ADAMTSL1: variants seen among roughly 807,000 people sequenced by gnomAD.
ADAMTSL1 encodes ADAMTS-like protein 1.
ADAMTSL1 carries 126 observed loss-of-function variants against 201.8 expected under a neutral mutation model. The observed-to-expected ratio is 0.62, with a 90% CI of 0.54 to 0.72. ADAMTSL1 has a LOEUF of 0.72. Ranked by LOEUF, ADAMTSL1 falls within the 30% of genes least tolerant of loss-of-function variation. ADAMTSL1 has a pLI of 0.00. For missense variants in ADAMTSL1, 2,679 were observed against 2,277.8 expected, an observed-to-expected ratio of 1.18 and a Z score of -3.59; for synonymous variants, 1,121 against 903.4, an observed-to-expected ratio of 1.24 and a Z score of -4.32.
intron 2 of ADAMTSL1, among the ~76,000 whole-genome samples, chr9:18,317,504 A>C (rs978662448): frequency 6.6e-6 from 1 of 152,192 alleles, no homozygotes; most frequent in Non-Finnish European, 1.5e-5. Context: ...CAATGTATAC[A>C]TTTATGAAAT....
chr9:18,780,729 G>GAT (rs1432852788), intron 19 of ADAMTSL1, among the ~76,000 whole-genome samples: 3 of 152,002 alleles, frequency 2.0e-5, no homozygotes, highest in African/African-American at 7.3e-5. Flanking sequence ...TTTTTAATAG[G>GAT]ATATTAGTCA....
chr9:18,585,369 C>T (rs1242593907), intron 4 of ADAMTSL1, among the ~76,000 whole-genome samples: 1 of 152,070 alleles, frequency 6.6e-6, no homozygotes, highest in East Asian at 1.9e-4. Flanking sequence ...GTAAACAAGG[C>T]AGAGCAAATC....
intron 23 of ADAMTSL1, among the ~76,000 whole-genome samples, chr9:18,848,848 A>C (rs1263635615): frequency 1.3e-5 from 2 of 152,192 alleles, no homozygotes; most frequent in African/African-American, 4.8e-5. Context: ...GTTCCAGAAA[A>C]CTTTATTTAC....
chr9:18,730,709 C>G (rs1007304624), intron 15 of ADAMTSL1, among the ~76,000 whole-genome samples: 1 of 152,236 alleles, frequency 6.6e-6, no homozygotes, highest in Non-Finnish European at 1.5e-5. Context: ...TGTAGATGCT[C>G]ATTACCTTCT....
Position 18,573,952 on chromosome 9 carries a change from G to C in ADAMTSL1, c.238-78G>C, listed in dbSNP as rs1033400701. On this transcript the variant is annotated intron_variant, in intron 3 of 28. Coordinates refer to ENST00000380548, the MANE Select transcript of ADAMTSL1 (RefSeq NM_001040272.6). Reference sequence around the variant, plus strand: ...TGTTTTGCTTTCTAAGACCTAAGCAGACCATATAGCTGCTCTGGTTTCATG... The same window carrying C: ...TGTTTTGCTTTCTAAGACCTAAGCACACCATATAGCTGCTCTGGTTTCATG... The C allele has an allele frequency of 2.6e-6, 3 of 1,158,738 alleles. No homozygotes were observed. In the African/African-American group the frequency reaches 4.6e-5, roughly 18 times the overall value. 71.8% of individuals were successfully genotyped at this position (1,158,738 alleles called of 1,614,324 possible). A position where few individuals can be genotyped will look rare whatever the true frequency, so the allele number is the denominator to read the frequency against.
chr9:17,976,749 A>G (rs928081241), intron 1 of ADAMTSL1, among the ~76,000 whole-genome samples: 1 of 98,266 alleles, frequency 1.0e-5, no homozygotes, highest in Non-Finnish European at 2.0e-5. Flanking sequence ...TGCCTCCCCG[A>G]TCCATCCATC....
At chr9:18,030,399 T>G (rs184041488) in intron 1 of ADAMTSL1, among the ~76,000 whole-genome samples, 8 of 151,328 alleles carry the variant, frequency 5.3e-5, no homozygotes, top group East Asian at 2.0e-4. Flanking sequence ...GACTGTTGTG[T>G]GGTGGGGGGA....
intron 5 of ADAMTSL1, among the ~76,000 whole-genome samples, chr9:18,633,919 A>G (rs1826941906): frequency 6.6e-6 from 1 of 152,062 alleles, no homozygotes; most frequent in Non-Finnish European, 1.5e-5. Flanking sequence ...AAAAAAAAAT[A>G]GTTTTTCAAT....
At chr9:18,678,665 T>C (rs1830266601) in intron 10 of ADAMTSL1, among the ~76,000 whole-genome samples, 1 of 152,184 alleles carries the variant, frequency 6.6e-6, no homozygotes, top group Non-Finnish European at 1.5e-5. Context: ...GAAAATGTGC[T>C]CTTTTATAGC....
rs78208785 is a variant in ADAMTSL1 at position 18,272,600 on chromosome 9, T to G, written c.207+108619T>G. Among the ~76,000 whole-genome samples, 873 of 152,338 alleles carry G rather than the reference T, an allele frequency of 5.7e-3. 5 individuals are homozygous for G. Among genetic ancestry groups the G allele is most frequent in the African/African-American group, 0.019 (779 of 41,570 alleles). ...TCTGTTTTTGTTGAAATTTTTGGAT[T>G]TAAACAGTGAAGGCAGGTTTTGAGT... On this transcript the variant is annotated intron_variant, in intron 2 of 29. Transcript: ENST00000680146.
chr9:18,422,851 G>A (rs973078937), intron 2 of ADAMTSL1, among the ~76,000 whole-genome samples: 6 of 152,186 alleles, frequency 3.9e-5, no homozygotes, highest in Non-Finnish European at 8.8e-5. Context: ...ACAGCTCCCT[G>A]TGGATGAAGA....
chr9:18,113,619 C>A (rs1006062152), intron 1 of ADAMTSL1, among the ~76,000 whole-genome samples: 1 of 152,090 alleles, frequency 6.6e-6, no homozygotes, highest in East Asian at 1.9e-4. Flanking sequence ...TAGGTCTTGA[C>A]TGGAATGTGG....
intron 2 of ADAMTSL1, among the ~76,000 whole-genome samples, chr9:18,415,143 A>G (rs1818618432): frequency 6.6e-6 from 1 of 152,204 alleles, no homozygotes; most frequent in Non-Finnish European, 1.5e-5. Context: ...ACCCAACAAG[A>G]TAAAATTCAC....
rs867474172 is a variant in ADAMTSL1, at chr9:17,909,883, A to G, written c.87+2961A>G. Among the ~76,000 whole-genome samples, 92 of 67,642 alleles carry G rather than the reference A, an allele frequency of 1.4e-3. 25 individuals are homozygous for G. Among genetic ancestry groups the G allele is most frequent in the African/African-American group, 2.6e-3 (86 of 33,522 alleles). 44.4% of individuals were successfully genotyped at this position (67,642 alleles called of 152,430 possible). A position where few individuals can be genotyped will look rare whatever the true frequency, so the allele number is the denominator to read the frequency against. ...CATTGGGAGATATACCTAATGCTAG[A>G]TGAGGAGTTAGTGGGTGCAGCGCAC... On this transcript the variant is annotated intron_variant, in intron 1 of 29. Coordinates refer to the ADAMTSL1 transcript ENST00000680146.
chr9:18,526,577 C>G (rs918676497), intron 2 of ADAMTSL1, among the ~76,000 whole-genome samples: 1 of 152,166 alleles, frequency 6.6e-6, no homozygotes, highest in Non-Finnish European at 1.5e-5. Context: ...TGGCTGTTGC[C>G]AGTTGTTCCT....
chr9:18,424,943 C>T (rs1819138859), intron 2 of ADAMTSL1, among the ~76,000 whole-genome samples: 1 of 152,132 alleles, frequency 6.6e-6, no homozygotes, highest in Admixed American at 6.5e-5. Flanking sequence ...TCCACATATC[C>T]ACCCAGAAAG....
intron 2 of ADAMTSL1, among the ~76,000 whole-genome samples, chr9:18,298,042 A>G (rs1461038608): frequency 3.9e-5 from 6 of 152,226 alleles, no homozygotes; most frequent in Non-Finnish European, 8.8e-5. Context: ...ATTAGTCTCC[A>G]TTCTGCTAAC....
chr9:18,718,051 A>G (rs899584482), intron 14 of ADAMTSL1: 7 of 1,545,534 alleles, frequency 4.5e-6, no homozygotes, highest in Non-Finnish European at 1.8e-6. Flanking sequence ...GCACTAGGTC[A>G]TAAAAGATCT....
chr9:18,415,376 C>G (rs1818629138), intron 2 of ADAMTSL1, among the ~76,000 whole-genome samples: 1 of 152,110 alleles, frequency 6.6e-6, no homozygotes, highest in Admixed American at 6.5e-5. Flanking sequence ...ACAAATCAAA[C>G]TTCTAAAAAT....
Sources: gnomAD v4.1 joint callset for allele counts (sites outside exome capture counted in the v4.1 genomes callset) on GRCh38, gnomAD v4.1.1 for gene constraint, MANE v1.5 for transcripts, NCBI Gene and HGNC (gene_info 2026-07-23, HGNC 2026-07-21) for gene names.